Variants in CTNNA2 observed in about 807,000 individuals in gnomAD.
CTNNA2 encodes catenin alpha-2.
CTNNA2 carries 42 observed loss-of-function variants against 101.0 expected under a neutral mutation model. The ratio of observed to expected loss-of-function variants is 0.42; its 90% CI spans 0.32 to 0.54. The LOEUF is 0.54. Ranked by LOEUF, CTNNA2 falls within the 20% of genes least tolerant of loss-of-function variation. The pLI is 0.14. For missense variants in CTNNA2, 871 were observed against 1,223.1 expected, an observed-to-expected ratio of 0.71 and a Z score of 4.29; for synonymous variants, 450 against 456.4, an observed-to-expected ratio of 0.99 and a Z score of 0.18.
In CTNNA2 at chr2:79,869,795, T is replaced by C. The variant is rs760833942; in HGVS notation, c.466-21T>C. 17 of 1,604,938 alleles carry C rather than the reference T, an allele frequency of 1.1e-5. No homozygotes were observed. The Admixed American group carries it at 1.6e-4, about 15-fold the overall frequency. On this transcript the variant is annotated intron_variant, in intron 4 of 18. Transcript: ENST00000402739. ...TTTAAATACTATCCACTAATAAATATGTTGTTTTTCACCACTGCAGGTGGA... is the reference window on the plus strand; with the variant it reads ...TTTAAATACTATCCACTAATAAATACGTTGTTTTTCACCACTGCAGGTGGA...
At chr2:79,428,002 C>A (rs1678610943) in intron 4 of CTNNA2, among the ~76,000 whole-genome samples, 1 of 152,136 alleles carries the variant, frequency 6.6e-6, no homozygotes, top group Admixed American at 6.6e-5. Flanking sequence ...CTCATCCTGT[C>A]ACTTTTCTAA....
At chr2:79,659,993 TA>T (rs1681907712) in intron 2 of CTNNA2, among the ~76,000 whole-genome samples, 1 of 152,140 alleles carries the variant, frequency 6.6e-6, no homozygotes, top group Admixed American at 6.6e-5. Context: ...ATCCCATCTC[TA>T]AAAAGAATAA....
chr2:79,214,918 G>A (rs537769376), intron 2 of CTNNA2, among the ~76,000 whole-genome samples: 2 of 152,016 alleles, frequency 1.3e-5, no homozygotes, highest in Non-Finnish European at 2.9e-5. Context: ...CAGTTCTGGA[G>A]GCAAGGGAAA....
chr2:80,002,611 C>T (rs897588499), intron 7 of CTNNA2, among the ~76,000 whole-genome samples: 11 of 151,436 alleles, frequency 7.3e-5, no homozygotes, highest in African/African-American at 1.9e-4. Context: ...TCTGTAGACT[C>T]GGTGGGCTGT....
chr2:80,569,498 A>T (rs1333778852), intron 12 of CTNNA2, among the ~76,000 whole-genome samples: 2 of 151,876 alleles, frequency 1.3e-5, no homozygotes, highest in African/African-American at 2.4e-5. Flanking sequence ...TATATCAAAA[A>T]CTCTGTTAAT....
chr2:79,998,426 G>A (rs1199679012), intron 7 of CTNNA2, among the ~76,000 whole-genome samples: 2 of 152,096 alleles, frequency 1.3e-5, no homozygotes, highest in Non-Finnish European at 2.9e-5. Context: ...TGAGAAGAAT[G>A]TTTCATGCAT....
chr2:80,519,430 G>GA (rs1273534983), intron 9 of CTNNA2, among the ~76,000 whole-genome samples: 9 of 151,820 alleles, frequency 5.9e-5, no homozygotes, highest in African/African-American at 7.3e-5. Flanking sequence ...GAGCATCTTT[G>GA]AAAAAAAATC....
chr2:79,538,616 T>C (rs1673218102), intron 1 of CTNNA2, among the ~76,000 whole-genome samples: 4 of 152,168 alleles, frequency 2.6e-5, no homozygotes, highest in Non-Finnish European at 4.4e-5. Flanking sequence ...AGTAACATTC[T>C]ATGGGAATGG....
intron 7 of CTNNA2, among the ~76,000 whole-genome samples, chr2:80,314,466 A>G (rs1422519149): frequency 6.6e-6 from 1 of 152,220 alleles, no homozygotes; most frequent in Non-Finnish European, 1.5e-5. Context: ...TAGTAAAATT[A>G]GGAAACACTC....
intron 3 of CTNNA2, among the ~76,000 whole-genome samples, chr2:79,333,357 G>A (rs892404027): frequency 2.6e-5 from 4 of 152,066 alleles, no homozygotes; most frequent in South Asian, 2.1e-4. Flanking sequence ...ACAGGTCCCA[G>A]TACAGTTTTA....
intron 7 of CTNNA2, among the ~76,000 whole-genome samples, chr2:80,135,461 A>G (rs964836481): frequency 6.6e-6 from 1 of 152,184 alleles, no homozygotes; most frequent in African/African-American, 2.4e-5. Context: ...TTTGTTACAG[A>G]CAGAATTCAG....
At chr2:79,664,543 G>A (rs915818871) in intron 2 of CTNNA2, among the ~76,000 whole-genome samples, 1 of 151,980 alleles carries the variant, frequency 6.6e-6, no homozygotes, top group African/African-American at 2.4e-5. Flanking sequence ...TTCAAGACCC[G>A]CAGGTAAATT....
chr2:79,717,120 G>A (rs1686161075), intron 2 of CTNNA2, among the ~76,000 whole-genome samples: 1 of 152,192 alleles, frequency 6.6e-6, no homozygotes, highest in African/African-American at 2.4e-5. Flanking sequence ...GAGCCCTGGA[G>A]AAGGAAAGAG....
At chr2:79,445,150 TG>T (rs1678819377) in intron 4 of CTNNA2, among the ~76,000 whole-genome samples, 1 of 152,160 alleles carries the variant, frequency 6.6e-6, no homozygotes, top group Admixed American at 6.6e-5. Flanking sequence ...CATTATTTTT[TG>T]ATACATTTTT....
chr2:79,453,374 C>T (rs1670778384), intron 4 of CTNNA2, among the ~76,000 whole-genome samples: 1 of 152,070 alleles, frequency 6.6e-6, no homozygotes, highest in Non-Finnish European at 1.5e-5. Flanking sequence ...TGCCCCCTGG[C>T]TCTGGTACTT....
chr2:79,294,874 C>T (rs539605880), intron 2 of CTNNA2, among the ~76,000 whole-genome samples: 5 of 152,026 alleles, frequency 3.3e-5, no homozygotes, highest in Admixed American at 6.6e-5. Flanking sequence ...TGCTGATTGA[C>T]ATATTATCTA....
chr2:79,608,589 G>A (rs1483624597), intron 1 of CTNNA2, among the ~76,000 whole-genome samples: 1 of 151,472 alleles, frequency 6.6e-6, no homozygotes, highest in Non-Finnish European at 1.5e-5. Context: ...TTTCAGGAAT[G>A]CAAAGGTAGT....
chr2:79,480,443 A>G (rs1254322641), intron 4 of CTNNA2, among the ~76,000 whole-genome samples: 1 of 152,200 alleles, frequency 6.6e-6, no homozygotes, highest in African/African-American at 2.4e-5. Context: ...TTTAGTCTGA[A>G]GACTCAGATC....
intron 18 of CTNNA2, among the ~76,000 whole-genome samples, chr2:80,622,065 CAT>C (rs1448112073): frequency 1.1e-4 from 16 of 151,932 alleles, no homozygotes; most frequent in African/African-American, 2.4e-4. Context: ...TCAGACATGA[CAT>C]GTGTCAAAAT....
Sources: gnomAD v4.1 joint callset for allele counts (sites outside exome capture counted in the v4.1 genomes callset) on GRCh38, gnomAD v4.1.1 for gene constraint, MANE v1.5 for transcripts, NCBI Gene and HGNC (gene_info 2026-07-23, HGNC 2026-07-21) for gene names.